The following CERKL variants were observed in gnomAD, a reference collection of about 807,000 sequenced individuals.
The protein encoded by CERKL is ceramide kinase-like protein.
In CERKL, 61 loss-of-function variants were observed where a neutral mutation model predicts 63.4. The observed-to-expected ratio is 0.96, with a 90% CI of 0.78 to 1.19. The LOEUF is 1.19. Ranked by LOEUF, CERKL falls within the 50% of genes most tolerant of loss-of-function variation. The pLI is 0.00. For missense variants in CERKL, 675 were observed against 655.5 expected (o/e 1.03, Z -0.33); for synonymous variants, 250 against 230.5 (o/e 1.08, Z -0.77).
intron 1 of CERKL, among the ~76,000 whole-genome samples, chr2:181,626,784 C>T (rs72885368): frequency 0.069 from 10,556 of 152,272 alleles, 500 homozygotes; most frequent in Non-Finnish European, 0.11. Context: ...GAGTCACTGG[C>T]CTTACTACCA....
Position 181,547,607 on chromosome 2 carries a change from T to A in CERKL, c.1268+11A>T, listed in dbSNP as rs773648306. The stretch of plus-strand genomic sequence containing the variant: ...AAATGTATCAACAATTCAATAAAAA[T>A]GCTTACTAACCTGGTATTAGGTGCC... On this transcript the variant is annotated intron_variant, in intron 10 of 12. Transcript: ENST00000410087. The A allele has an allele frequency of 6.2e-7, 1 of 1,608,024 alleles. No homozygotes were observed. Among genetic ancestry groups the A allele is most frequent in the Non-Finnish European group, 8.5e-7 (1 of 1,174,564 alleles).
At chr2:181,579,637 T>C (rs560307201) in intron 2 of CERKL, among the ~76,000 whole-genome samples, 1 of 152,058 alleles carries the variant, frequency 6.6e-6, no homozygotes, top group South Asian at 2.1e-4. Context: ...TCATCTCTTT[T>C]ATGGCCTCTG....
At chr2:181,564,535 AAATATT>A (rs1042675472) in intron 4 of CERKL, among the ~76,000 whole-genome samples, 60 of 152,300 alleles carry the variant, frequency 3.9e-4, no homozygotes, top group African/African-American at 1.4e-3. Context: ...GTAAAGAGAA[AAATATT>A]ATTGTACTAC....
chr2:181,653,411 T>C (rs1241207148), intron 1 of CERKL, among the ~76,000 whole-genome samples: 1 of 152,176 alleles, frequency 6.6e-6, no homozygotes, highest in Non-Finnish European at 1.5e-5. Context: ...CTACCAGGTA[T>C]GCATCCAAAG....
At chr2:181,578,111 A>G (rs1684330992) in intron 2 of CERKL, among the ~76,000 whole-genome samples, 1 of 152,144 alleles carries the variant, frequency 6.6e-6, no homozygotes, top group South Asian at 2.1e-4. Flanking sequence ...ACTGATATCT[A>G]GTTTCCTTCT....
intron 2 of CERKL, among the ~76,000 whole-genome samples, chr2:181,579,582 T>C (rs1024955529): frequency 1.3e-5 from 2 of 151,950 alleles, no homozygotes; most frequent in African/African-American, 2.4e-5. Context: ...GTTTTCTCCA[T>C]ACTGAAAGTT....
At chr2:181,576,431 T>G (rs1684217405) in intron 2 of CERKL, among the ~76,000 whole-genome samples, 1 of 152,232 alleles carries the variant, frequency 6.6e-6, no homozygotes, top group South Asian at 2.1e-4. Context: ...GATTGGGTTT[T>G]TAAAATATCA....
intron 1 of CERKL, among the ~76,000 whole-genome samples, chr2:181,645,570 TAGGATTAGTG>T (rs1241762542): frequency 2.6e-5 from 4 of 152,298 alleles, no homozygotes; most frequent in South Asian, 4.2e-4. Context: ...TTGGGTAATT[TAGGATTAGTG>T]AGGATTAGTG....
intron 2 of CERKL, among the ~76,000 whole-genome samples, chr2:181,596,399 AC>A (rs1436356258): frequency 2.6e-5 from 4 of 152,176 alleles, no homozygotes; most frequent in Admixed American, 2.6e-4. Flanking sequence ...GCCTGATGTT[AC>A]TTATCCCAAG....
intron 1 of CERKL, among the ~76,000 whole-genome samples, chr2:181,628,288 C>A (rs1353928503): frequency 6.6e-6 from 1 of 152,166 alleles, no homozygotes; most frequent in East Asian, 1.9e-4. Context: ...CCAGATAATT[C>A]TCCATAACCC....
intron 1 of CERKL, among the ~76,000 whole-genome samples, chr2:181,656,338 G>A (rs1307408446): frequency 1.3e-5 from 2 of 152,224 alleles, no homozygotes; most frequent in African/African-American, 4.8e-5. Context: ...GGCATAATCT[G>A]TGAGATGTTT....
chr2:181,605,285 G>C (rs1309776824), intron 1 of CERKL, among the ~76,000 whole-genome samples: 1 of 152,180 alleles, frequency 6.6e-6, no homozygotes, highest in Non-Finnish European at 1.5e-5. Flanking sequence ...GGGGACTAGA[G>C]TTCACTGTGC....
chr2:181,557,979 G>A (rs1688282275), intron 5 of CERKL, among the ~76,000 whole-genome samples: 1 of 152,124 alleles, frequency 6.6e-6, no homozygotes, highest in African/African-American at 2.4e-5. Context: ...GCTTCACTGA[G>A]CATCACTGTG....
At chr2:181,634,373 C>T (rs1227817482) in intron 1 of CERKL, among the ~76,000 whole-genome samples, 1 of 152,116 alleles carries the variant, frequency 6.6e-6, no homozygotes, top group African/African-American at 2.4e-5. Flanking sequence ...ATAATAGCAG[C>T]TCCTTATGGC....
chr2:181,603,799 A>C (rs1226617247), intron 2 of CERKL, 38 bp downstream of exon 2: 2 of 1,605,280 alleles, frequency 1.2e-6, no homozygotes, highest in East Asian at 2.2e-5. Flanking sequence ...ATATCAAGGA[A>C]ACTGGGCTGA....
chr2:181,587,806 A>G (rs1684828041), intron 2 of CERKL, among the ~76,000 whole-genome samples: 1 of 152,120 alleles, frequency 6.6e-6, no homozygotes, highest in Admixed American at 6.6e-5. Flanking sequence ...AAGCTTTTTC[A>G]AAGTATCCTT....
chr2:181,602,259 C>A lies in CERKL; in HGVS notation c.481+1578G>T, dbSNP rs115721978. On this transcript the variant is annotated intron_variant, in intron 2 of 12. Transcript: ENST00000410087. ...GGAGAAGAGTTCCTCAGACCTTAAG[C>A]GCAAGAATGAGCTTTGACTCTCCTA... Among the ~76,000 whole-genome samples, 474 of 152,238 alleles carry A rather than the reference C, an allele frequency of 3.1e-3. 2 individuals are homozygous for A. Among genetic ancestry groups the A allele is most frequent in the African/African-American group, 0.011 (466 of 41,546 alleles).
At chr2:181,626,124 C>CA (rs1187514001) in intron 1 of CERKL, among the ~76,000 whole-genome samples, 2 of 151,890 alleles carry the variant, frequency 1.3e-5, no homozygotes, top group Admixed American at 1.3e-4. Context: ...ATTCTGACCC[C>CA]AAAAAACCAC....
At chr2:181,597,639 A>G (rs1395138167) in intron 2 of CERKL, among the ~76,000 whole-genome samples, 2 of 152,168 alleles carry the variant, frequency 1.3e-5, no homozygotes, top group Non-Finnish European at 2.9e-5. Context: ...CCAGGGATAG[A>G]GAACTGGGTG....
Sources: gnomAD v4.1 joint callset for allele counts (sites outside exome capture counted in the v4.1 genomes callset) on GRCh38, gnomAD v4.1.1 for gene constraint, MANE v1.5 for transcripts, NCBI Gene and HGNC (gene_info 2026-07-23, HGNC 2026-07-21) for gene names.